SOX5: variants seen among roughly 807,000 people sequenced by gnomAD.
SOX5 encodes transcription factor SOX-5.
In SOX5, 9 loss-of-function variants were observed where a neutral mutation model predicts 92.0. That is an observed-to-expected ratio of 0.10 (90% confidence interval 0.06 to 0.17). SOX5 has a LOEUF of 0.17. Ranked by LOEUF, SOX5 falls within the 10% of genes least tolerant of loss-of-function variation. The probability of loss-of-function intolerance (pLI) is 1.00; values close to 1 mark genes in which losing one functional copy is unlikely to be tolerated. For synonymous variants in SOX5, 344 were observed against 336.3 expected, an observed-to-expected ratio of 1.02 and a Z score of -0.25; for missense variants, 642 against 944.5, an observed-to-expected ratio of 0.68 and a Z score of 4.20.
At chr12:23,949,797 TC>T (rs1443426056), upstream of SOX5, 297 of 451,792 alleles carry the variant, frequency 6.6e-4, no homozygotes, top group Non-Finnish European at 9.2e-4. Context: ...TCTCTCTTTC[TC>T]CCCCCCTCCT....
intron 4 of SOX5, among the ~76,000 whole-genome samples, chr12:24,067,467 G>T (rs932267612): frequency 6.6e-6 from 1 of 152,208 alleles, no homozygotes; most frequent in African/African-American, 2.4e-5. Context: ...TCCTTTGTCG[G>T]TGGGTAGCAG....
At chr12:23,671,088 T>C (rs535258369) in intron 6 of SOX5, among the ~76,000 whole-genome samples, 1 of 152,178 alleles carries the variant, frequency 6.6e-6, no homozygotes, top group South Asian at 2.1e-4. Flanking sequence ...ATCACCAGAC[T>C]GGGAAAAACA....
At chr12:24,532,166 TA>T (rs762882727) in intron 1 of SOX5, among the ~76,000 whole-genome samples, 4 of 152,234 alleles carry the variant, frequency 2.6e-5, no homozygotes, top group Non-Finnish European at 4.4e-5. Context: ...TCTATCTATG[TA>T]ATACTCAATT....
At chr12:24,008,323 T>C (rs566586296) in intron 4 of SOX5, among the ~76,000 whole-genome samples, 9 of 152,248 alleles carry the variant, frequency 5.9e-5, no homozygotes, top group East Asian at 1.9e-4. Context: ...CATTCTACAA[T>C]GGGCCTTGAC....
At chr12:23,979,369 G>A (rs368357758) in intron 4 of SOX5, among the ~76,000 whole-genome samples, 37 of 151,864 alleles carry the variant, frequency 2.4e-4, no homozygotes, top group Non-Finnish European at 4.3e-4. Context: ...GATTACAGGC[G>A]CCCACCAACA....
chr12:23,956,943 C>T (rs1946357806), intron 4 of SOX5, among the ~76,000 whole-genome samples: 2 of 151,222 alleles, frequency 1.3e-5, no homozygotes, highest in South Asian at 4.2e-4. Flanking sequence ...GGATGAATTA[C>T]AGGCATGAGC....
At chr12:24,414,930 A>C (rs1157621075) in intron 1 of SOX5, among the ~76,000 whole-genome samples, 1 of 152,038 alleles carries the variant, frequency 6.6e-6, no homozygotes, top group Non-Finnish European at 1.5e-5. Flanking sequence ...CACTTACAGC[A>C]GTGATCTCGG....
Position 24,192,369 on chromosome 12 carries a change from ATC to A in SOX5, c.-2+20972_-2+20973del, listed in dbSNP as rs146735603. The stretch of plus-strand genomic sequence containing the variant: ...AAATAACAATAAAATGTTCTAAAAA[ATC>A]TCTTTTAACCCTGTAGGAATATAAT... On this transcript the variant is annotated intron_variant, in intron 4 of 4. Transcript: ENST00000446891. Among the ~76,000 whole-genome samples, 1,008 of 152,316 alleles carry A rather than the reference ATC, an allele frequency of 6.6e-3. 20 individuals are homozygous for A. The highest frequency in any genetic ancestry group is 0.033 in the Admixed American group (508 of 15,302).
At chr12:23,980,514 A>G (rs1231542141) in intron 4 of SOX5, among the ~76,000 whole-genome samples, 1 of 152,200 alleles carries the variant, frequency 6.6e-6, no homozygotes, top group African/African-American at 2.4e-5. Flanking sequence ...GGGAGGTAAC[A>G]TCAACAAAGA....
chr12:23,958,696 T>A (rs771030741), intron 4 of SOX5, among the ~76,000 whole-genome samples: 4 of 144,008 alleles, frequency 2.8e-5, no homozygotes, highest in Non-Finnish European at 6.1e-5. Context: ...AAAAGTGTTA[T>A]TTTATAAACA....
chr12:23,973,552 C>A (rs965894115), intron 4 of SOX5, among the ~76,000 whole-genome samples: 23 of 152,228 alleles, frequency 1.5e-4, no homozygotes, highest in Admixed American at 3.3e-4. Flanking sequence ...GAATTTCCAT[C>A]TTTTTAAAGG....
chr12:24,539,540 A>T (rs151313693), intron 1 of SOX5, among the ~76,000 whole-genome samples: 89 of 152,236 alleles, frequency 5.8e-4, no homozygotes, highest in Non-Finnish European at 1.0e-3. Flanking sequence ...TAGACATTTG[A>T]TCCCTATTGT....
At chr12:23,873,478 A>AAAAAG (rs745523549) in intron 2 of SOX5, among the ~76,000 whole-genome samples, 7 of 152,192 alleles carry the variant, frequency 4.6e-5, no homozygotes, top group Non-Finnish European at 1.0e-4. Context: ...GTCTCAAAAG[A>AAAAAG]AAAAGAAAAG....
intron 3 of SOX5, among the ~76,000 whole-genome samples, chr12:23,770,845 G>A (rs1257872100): frequency 6.6e-6 from 1 of 152,172 alleles, no homozygotes; most frequent in Non-Finnish European, 1.5e-5. Context: ...CAAACAGTAA[G>A]TGGTCAGTTT....
At chr12:23,891,324 A>G (rs531980060) in intron 2 of SOX5, among the ~76,000 whole-genome samples, 1 of 152,356 alleles carries the variant, frequency 6.6e-6, no homozygotes, top group Non-Finnish European at 1.5e-5. Context: ...TAACATTTGC[A>G]TAACCTGAAA....
intron 2 of SOX5, among the ~76,000 whole-genome samples, chr12:24,362,796 T>A (rs1955727050): frequency 6.6e-6 from 1 of 151,148 alleles, no homozygotes; most frequent in Non-Finnish European, 1.5e-5. Context: ...AGATATTTTA[T>A]TCAGGGATTT....
rs186898038 is a variant in SOX5, at chr12:24,518,119, A to T, written c.-251+44210T>A. Among the ~76,000 whole-genome samples, 150 of 151,414 alleles carry T rather than the reference A, an allele frequency of 9.9e-4. 2 individuals carry two copies. The highest frequency in any genetic ancestry group is 2.6e-3 in the Admixed American group (40 of 15,202). On this transcript the variant is annotated intron_variant, in intron 1 of 4. Transcript: ENST00000446891. The stretch of plus-strand genomic sequence containing the variant: ...GGTCTCACTTTGTCACTCAGGCTGG[A>T]GTGCAGTGGCCCAGTTTCTACTGAC...
intron 1 of SOX5, among the ~76,000 whole-genome samples, chr12:24,384,066 T>C (rs889956468): frequency 2.6e-5 from 4 of 152,168 alleles, no homozygotes; most frequent in African/African-American, 7.2e-5. Flanking sequence ...TGCCTCTTCC[T>C]CTACCGCCAT....
chr12:24,113,632 A>T (rs1024453992), intron 4 of SOX5, among the ~76,000 whole-genome samples: 2 of 152,208 alleles, frequency 1.3e-5, no homozygotes, highest in African/African-American at 4.8e-5. Flanking sequence ...AAAAGTTTAA[A>T]AAATGAAGAG....
Sources: gnomAD v4.1 joint callset for allele counts (sites outside exome capture counted in the v4.1 genomes callset) on GRCh38, gnomAD v4.1.1 for gene constraint, MANE v1.5 for transcripts, NCBI Gene and HGNC (gene_info 2026-07-23, HGNC 2026-07-21) for gene names.